NCALD: variants seen among roughly 807,000 people sequenced by gnomAD.
NCALD encodes the protein neurocalcin-delta.
NCALD carries 10 observed loss-of-function variants against 18.6 expected under a neutral mutation model. The observed-to-expected ratio is 0.54, with a 90% confidence interval of 0.33 to 0.91. NCALD has a LOEUF of 0.91. NCALD is among the 40% of genes least tolerant of loss of function. NCALD has a pLI of 0.03. For synonymous variants in NCALD, 88 were observed against 87.4 expected (o/e 1.01, Z -0.04); for missense variants, 184 against 247.6 (o/e 0.74, Z 1.72).
chr8:101,775,517 T>C (rs1811756417), intron 1 of NCALD, among the ~76,000 whole-genome samples: 1 of 152,198 alleles, frequency 6.6e-6, no homozygotes, highest in South Asian at 2.1e-4. Context: ...CTTAGGAATC[T>C]GCCTCTTTCA....
At chr8:101,714,785 A>C (rs1815986043) in intron 2 of NCALD, among the ~76,000 whole-genome samples, 1 of 151,052 alleles carries the variant, frequency 6.6e-6, no homozygotes, top group Admixed American at 6.6e-5. Context: ...TCATGAGGTC[A>C]GGAGATCGAG....
intron 1 of NCALD, among the ~76,000 whole-genome samples, chr8:101,749,239 T>G (rs1351731512): frequency 6.6e-6 from 1 of 152,234 alleles, no homozygotes; most frequent in Non-Finnish European, 1.5e-5. Context: ...TTTGCTATAA[T>G]CACTTCAATT....
intron 1 of NCALD, among the ~76,000 whole-genome samples, chr8:101,762,514 T>G (rs1289314844): frequency 6.6e-6 from 1 of 151,836 alleles, no homozygotes; most frequent in Non-Finnish European, 1.5e-5. Flanking sequence ...GATAAGAGAA[T>G]AAACCTTAGC....
intron 2 of NCALD, among the ~76,000 whole-genome samples, chr8:101,974,728 ATAAC>A (rs1216445854): frequency 3.9e-5 from 6 of 152,230 alleles, no homozygotes; most frequent in African/African-American, 9.6e-5. Flanking sequence ...AGATACTAAA[ATAAC>A]TAACAACATG....
chr8:101,846,642 A>G (rs1193972548), intron 4 of NCALD, among the ~76,000 whole-genome samples: 1 of 152,174 alleles, frequency 6.6e-6, no homozygotes, highest in East Asian at 1.9e-4. Context: ...TGTCGAGACA[A>G]GCAGAGCATG....
intron 4 of NCALD, among the ~76,000 whole-genome samples, chr8:101,874,761 C>G (rs1816161291): frequency 6.6e-6 from 1 of 152,136 alleles, no homozygotes; most frequent in Non-Finnish European, 1.5e-5. Context: ...TTCCTGGCCT[C>G]AAGTGATCCT....
At chr8:101,973,368 T>C (rs905506882) in intron 2 of NCALD, among the ~76,000 whole-genome samples, 1 of 152,200 alleles carries the variant, frequency 6.6e-6, no homozygotes, top group African/African-American at 2.4e-5. Flanking sequence ...GACGGCCCTC[T>C]GTTGCAAGCT....
At chr8:102,077,015 G>A (rs1038716155) in intron 1 of NCALD, among the ~76,000 whole-genome samples, 1 of 152,046 alleles carries the variant, frequency 6.6e-6, no homozygotes, top group Middle Eastern at 3.2e-3. Context: ...CCCCATTCAC[G>A]CCCCTTCCCT....
At chr8:101,880,947 A>G (rs567191915) in intron 4 of NCALD, among the ~76,000 whole-genome samples, 1 of 152,192 alleles carries the variant, frequency 6.6e-6, no homozygotes, top group Non-Finnish European at 1.5e-5. Flanking sequence ...AATGTCATGA[A>G]AAGGACTTAG....
chr8:101,759,649 C>T (rs990848728), intron 1 of NCALD, among the ~76,000 whole-genome samples: 1 of 152,086 alleles, frequency 6.6e-6, no homozygotes, highest in East Asian at 1.9e-4. Flanking sequence ...GGCCAAGGAA[C>T]AGGGAACTGC....
chr8:102,021,373 C>T (rs993527752), intron 1 of NCALD, among the ~76,000 whole-genome samples: 4 of 151,994 alleles, frequency 2.6e-5, no homozygotes, highest in African/African-American at 7.3e-5. Flanking sequence ...ATTTTATATA[C>T]CAATTATAAA....
At chr8:102,017,353 T>TA (rs546400258) in intron 2 of NCALD, among the ~76,000 whole-genome samples, 2,063 of 147,440 alleles carry the variant, frequency 0.014, 57 homozygotes, top group East Asian at 0.097. Context: ...TTAAAATTTC[T>TA]AAAAAAAAAA....
intron 2 of NCALD, among the ~76,000 whole-genome samples, chr8:102,008,529 T>G (rs892014007): frequency 6.6e-6 from 1 of 150,584 alleles, no homozygotes; most frequent in Non-Finnish European, 1.5e-5. Flanking sequence ...TTCTGTTTCT[T>G]AAAAGCAGGA....
chr8:101,978,408 A>G (rs1820501422), intron 2 of NCALD, among the ~76,000 whole-genome samples: 1 of 152,220 alleles, frequency 6.6e-6, no homozygotes, highest in Admixed American at 6.5e-5. Context: ...TAAGTGCTTT[A>G]CATAAATTGT....
chr8:101,875,190 T>A (rs1354396532), intron 4 of NCALD, among the ~76,000 whole-genome samples: 1 of 152,210 alleles, frequency 6.6e-6, no homozygotes, highest in African/African-American at 2.4e-5. Flanking sequence ...AAGAACTGGA[T>A]GATCAGAGAG....
At chr8:101,976,595 T>C (rs1225201271) in intron 2 of NCALD, among the ~76,000 whole-genome samples, 1 of 152,238 alleles carries the variant, frequency 6.6e-6, no homozygotes, top group Non-Finnish European at 1.5e-5. Context: ...ACATAGATTC[T>C]TTTAGATTTT....
At chr8:101,801,074 G>A (rs1812830196) in intron 4 of NCALD, among the ~76,000 whole-genome samples, 1 of 151,428 alleles carries the variant, frequency 6.6e-6, no homozygotes, top group African/African-American at 2.4e-5. Flanking sequence ...AAGGGAAAGG[G>A]AAAGAAAGAG....
At chr8:101,840,663 T>C (rs913679289) in intron 4 of NCALD, among the ~76,000 whole-genome samples, 1 of 152,188 alleles carries the variant, frequency 6.6e-6, no homozygotes, top group Admixed American at 6.5e-5. Flanking sequence ...GCAAAGGAAA[T>C]TGCAGGTCAT....
intron 2 of NCALD, among the ~76,000 whole-genome samples, chr8:101,971,524 T>G (rs751960835): frequency 3.9e-5 from 6 of 152,162 alleles, no homozygotes; most frequent in Non-Finnish European, 8.8e-5. Context: ...CTCTCTTGTC[T>G]GCTGCCATGT....
Sources: gnomAD v4.1 joint callset for allele counts (sites outside exome capture counted in the v4.1 genomes callset) on GRCh38, gnomAD v4.1.1 for gene constraint, MANE v1.5 for transcripts, NCBI Gene and HGNC (gene_info 2026-07-23, HGNC 2026-07-21) for gene names.